Variants in MAD1L1 observed in about 807,000 individuals in gnomAD.
The protein encoded by MAD1L1 is mitotic spindle assembly checkpoint protein MAD1.
A neutral mutation model predicts 96.9 loss-of-function variants in MAD1L1; 95 were observed. The ratio of observed to expected loss-of-function variants is 0.98; its 90% CI spans 0.83 to 1.16. MAD1L1 has a LOEUF of 1.16. MAD1L1 is among the 50% of genes most tolerant of loss of function. The pLI, the probability that MAD1L1 is intolerant of heterozygous loss-of-function variation, is 0.00. For synonymous variants in MAD1L1, 473 were observed against 396.6 expected, an observed-to-expected ratio of 1.19 and a Z score of -2.29; for missense variants, 1,007 against 954.4, an observed-to-expected ratio of 1.06 and a Z score of -0.73.
At chr7:1,962,791 T>C (rs866074149) in intron 15 of MAD1L1, among the ~76,000 whole-genome samples, 1 of 152,008 alleles carries the variant, frequency 6.6e-6, no homozygotes. Context: ...TGAAAACCTT[T>C]AAAAAACTAG....
rs1239401174 is a variant in MAD1L1, at chr7:1,844,249, C to G, written c.1999-28021G>C. 9.1e-5 allele frequency: 14 copies of G among 154,396 alleles called. No homozygotes were observed. The Admixed American group carries it at 9.2e-4, about 10-fold the overall frequency. The allele number at this position is 154,396 out of a possible 1,614,324, so 9.6% of individuals were successfully genotyped here. Reference sequence around the variant, plus strand: ...GACCCTCTGCCATCCCCGGTGTGCCCTTGGGGAGAAGTGTGGTGGTCCCAC... The same window carrying G: ...GACCCTCTGCCATCCCCGGTGTGCCGTTGGGGAGAAGTGTGGTGGTCCCAC... On this transcript the variant is annotated intron_variant, in intron 18 of 18. Coordinates refer to ENST00000265854, the MANE Select transcript of MAD1L1 (RefSeq NM_001013836.2).
chr7:2,136,706 C>T (rs1369217818), intron 11 of MAD1L1, among the ~76,000 whole-genome samples: 1 of 152,174 alleles, frequency 6.6e-6, no homozygotes, highest in Non-Finnish European at 1.5e-5. Flanking sequence ...CGGGGCTCAG[C>T]AGTGGAGGCC....
intron 13 of MAD1L1, among the ~76,000 whole-genome samples, chr7:2,008,627 C>T (rs1268968442): frequency 6.6e-6 from 1 of 152,238 alleles, no homozygotes; most frequent in Non-Finnish European, 1.5e-5. Context: ...GCCAAGCCTG[C>T]TCGCAGGCAG....
chr7:1,936,631 T>C, intron 17 of MAD1L1, 56 bp downstream of exon 17: 1 of 1,509,624 alleles, frequency 6.6e-7, no homozygotes, highest in Non-Finnish European at 8.9e-7. Context: ...GGCGCACGGA[T>C]GGACCTACCC....
chr7:1,825,624 G>A (rs62434666), intron 18 of MAD1L1, among the ~76,000 whole-genome samples: 23,186 of 152,244 alleles, frequency 0.15, 2,092 homozygotes, highest in South Asian at 0.27. Flanking sequence ...GGGTCTTTGC[G>A]GTGCCCGTCT....
chr7:1,838,208 GCAT>G (rs1158696832), intron 18 of MAD1L1, among the ~76,000 whole-genome samples: 2 of 152,240 alleles, frequency 1.3e-5, no homozygotes. Context: ...GGATGGAAAA[GCAT>G]CATAAAAGCA....
rs559141268 is a variant in MAD1L1, at chr7:2,110,406, G to C, written c.1073+38746C>G. Among the ~76,000 whole-genome samples the C allele has an allele frequency of 5.3e-5, 8 of 152,350 alleles. 1 individual carries two copies. The South Asian group carries it at 1.7e-3, about 32-fold the overall frequency. ...CGGCTCAGAAGCCACGCCCAAAGCG[G>C]AAATCAGACCCCGCAGGGCTGTGAC... On this transcript the variant is annotated intron_variant, in intron 11 of 18. Transcript: ENST00000265854.
At chr7:2,079,357 C>G (rs1785526129) in intron 11 of MAD1L1, among the ~76,000 whole-genome samples, 1 of 152,090 alleles carries the variant, frequency 6.6e-6, no homozygotes, top group African/African-American at 2.4e-5. Flanking sequence ...ACACATTTTT[C>G]TGAAAAAAAT....
chr7:1,918,399 C>G (rs1161302464), intron 17 of MAD1L1, among the ~76,000 whole-genome samples: 1 of 152,270 alleles, frequency 6.6e-6, no homozygotes, highest in East Asian at 1.9e-4. Context: ...CGTCTTGGGG[C>G]CCCCGAGCAT....
At chr7:2,207,287 C>G (rs183221038) in intron 10 of MAD1L1, among the ~76,000 whole-genome samples, 1 of 152,232 alleles carries the variant, frequency 6.6e-6, no homozygotes, top group African/African-American at 2.4e-5. Flanking sequence ...AGCTCCTTAT[C>G]TGGAGTGAGA....
In MAD1L1 at chr7:1,849,390, C is replaced by A. The variant is rs897807559; in HGVS notation, c.1999-33162G>T. Reference sequence around the variant, plus strand: ...GGTACTGTTTTGCAGACACAGAGCCCCCAAGCAGCCCACACGTCTTAGCCG... The same window carrying A: ...GGTACTGTTTTGCAGACACAGAGCCACCAAGCAGCCCACACGTCTTAGCCG... On this transcript the variant is annotated intron_variant, in intron 18 of 18. Transcript: ENST00000265854. 2 of 152,232 alleles carry A rather than the reference C, an allele frequency of 1.3e-5. 1 individual carries two copies. Among genetic ancestry groups the A allele is most frequent in the Non-Finnish European group, 2.9e-5 (2 of 68,058 alleles). 9.4% of individuals were successfully genotyped at this position (152,232 alleles called of 1,614,324 possible). A position where few individuals can be genotyped will look rare whatever the true frequency, so the allele number is the denominator to read the frequency against.
At chr7:1,820,953 T>C (rs1031247675) in intron 18 of MAD1L1, among the ~76,000 whole-genome samples, 22 of 150,946 alleles carry the variant, frequency 1.5e-4, no homozygotes, top group East Asian at 1.2e-3. Flanking sequence ...TGGTGGCGGG[T>C]GCCTGTAGTC....
intron 12 of MAD1L1, among the ~76,000 whole-genome samples, chr7:2,034,750 G>A (rs1039331796): frequency 6.6e-6 from 1 of 152,216 alleles, no homozygotes; most frequent in Non-Finnish European, 1.5e-5. Flanking sequence ...TTGGCTGAAT[G>A]AATGAACAGG....
chr7:2,055,390 C>A (rs1305513520), intron 12 of MAD1L1, among the ~76,000 whole-genome samples: 1 of 152,182 alleles, frequency 6.6e-6, no homozygotes, highest in Admixed American at 6.5e-5. Context: ...CTCTGCCACC[C>A]CTGACAGAAC....
chr7:1,910,146 C>T (rs1016776459), intron 17 of MAD1L1, among the ~76,000 whole-genome samples: 3 of 152,104 alleles, frequency 2.0e-5, no homozygotes, highest in Admixed American at 6.5e-5. Flanking sequence ...CCCCCAGCAC[C>T]GAGAACACAG....
chr7:2,077,397 G>C (rs1406366344), intron 11 of MAD1L1, among the ~76,000 whole-genome samples: 1 of 152,192 alleles, frequency 6.6e-6, no homozygotes, highest in Non-Finnish European at 1.5e-5. Context: ...ACTGAGTCAT[G>C]AGCATGAAGC....
intron 16 of MAD1L1, 121 bp from the exon 17 acceptor site, chr7:1,937,018 G>C: frequency 2.6e-6 from 2 of 764,156 alleles, no homozygotes; most frequent in Non-Finnish European, 4.2e-6. Flanking sequence ...ACAGCACAGT[G>C]CTCAGTTCTT....
intron 14 of MAD1L1, among the ~76,000 whole-genome samples, chr7:1,993,852 G>A (rs971159153): frequency 2.6e-5 from 4 of 152,192 alleles, no homozygotes; most frequent in African/African-American, 4.8e-5. Flanking sequence ...CTCAGCACTC[G>A]GCAGATGCTT....
rs138409280 is a variant in MAD1L1, at chr7:2,109,257, T to G, written c.1073+39895A>C. Reference sequence around the variant, plus strand: ...GCAACTTCCCCGGGCCTCGGCTTCTTCTTCAGGCCACATGGATAGTCCCTG... The same window carrying G: ...GCAACTTCCCCGGGCCTCGGCTTCTGCTTCAGGCCACATGGATAGTCCCTG... On this transcript the variant is annotated intron_variant, in intron 11 of 18. Coordinates refer to ENST00000265854, the MANE Select transcript of MAD1L1 (RefSeq NM_001013836.2). Among the ~76,000 whole-genome samples, 108 of 152,336 alleles carry G rather than the reference T, an allele frequency of 7.1e-4. 1 individual carries two copies. The East Asian group carries it at 0.019, about 27-fold the overall frequency.
Sources: allele counts gnomAD v4.1 joint callset (sites outside exome capture counted in the v4.1 genomes callset), GRCh38; gene constraint gnomAD v4.1.1; transcripts MANE v1.5; gene names NCBI Gene and HGNC (gene_info 2026-07-23, HGNC 2026-07-21).